NCOA7: variants seen among roughly 807,000 people sequenced by gnomAD.
The protein encoded by NCOA7 is 140 kDa estrogen receptor-associated protein.
NCOA7 carries 45 observed loss-of-function variants against 104.3 expected under a neutral mutation model. The ratio of observed to expected loss-of-function variants is 0.43; its 90% CI spans 0.34 to 0.55. The LOEUF (loss-of-function observed/expected upper bound fraction) is 0.55, where lower values mean the gene tolerates loss of function less well. Among genes scored for constraint, NCOA7 ranks in the 20% least tolerant of loss-of-function variants. The probability of loss-of-function intolerance (pLI) is 0.02; values close to 1 mark genes in which losing one functional copy is unlikely to be tolerated. For missense variants in NCOA7, 1,041 were observed against 1,119.7 expected (o/e 0.93, Z 1.00); for synonymous variants, 398 against 402.3 (o/e 0.99, Z 0.13).
chr6:125,882,293 G>A lies in NCOA7; in HGVS notation c.574-133G>A, dbSNP rs1783904846. The A allele has an allele frequency of 3.7e-6, 3 of 813,596 alleles. No homozygotes were observed. The South Asian group carries it at 5.0e-5, about 13-fold the overall frequency. The allele number at this position is 813,596 out of a possible 1,614,324, so 50.4% of individuals were successfully genotyped here. A position where few individuals can be genotyped will look rare whatever the true frequency, so the allele number is the denominator to read the frequency against. ...ATTTGTGATATTTTTGAAGGACAGA[G>A]GATATTTGCCTTTTTAATGTTCCAC... On this transcript the variant is annotated intron_variant, in intron 6 of 15. Coordinates refer to ENST00000392477, the MANE Select transcript of NCOA7 (RefSeq NM_181782.5).
chr6:125,875,760 C>T (rs1189139327), intron 4 of NCOA7, among the ~76,000 whole-genome samples: 1 of 152,140 alleles, frequency 6.6e-6, no homozygotes, highest in Non-Finnish European at 1.5e-5. Context: ...CTATCTCATG[C>T]TTTAATTCAT....
At chr6:125,914,541 C>G (rs1031892004) in intron 10 of NCOA7, among the ~76,000 whole-genome samples, 2 of 151,970 alleles carry the variant, frequency 1.3e-5, no homozygotes, top group African/African-American at 4.8e-5. Context: ...AACGTTATCC[C>G]AACAGTAGCC....
chr6:125,825,020 GA>G (rs1778545525), intron 2 of NCOA7, among the ~76,000 whole-genome samples: 1 of 152,056 alleles, frequency 6.6e-6, no homozygotes, highest in Non-Finnish European at 1.5e-5. Flanking sequence ...TGAGTGACAA[GA>G]GGGAACTCCA....
At chr6:125,828,215 T>C (rs1778829191) in intron 2 of NCOA7, among the ~76,000 whole-genome samples, 1 of 152,034 alleles carries the variant, frequency 6.6e-6, no homozygotes, top group Admixed American at 6.6e-5. Context: ...GAAAGAGAAG[T>C]AGGATGAAAC....
chr6:125,894,568 A>G (rs1392451983), intron 10 of NCOA7, among the ~76,000 whole-genome samples: 1 of 152,206 alleles, frequency 6.6e-6, no homozygotes, highest in East Asian at 1.9e-4. Flanking sequence ...ATCAATAAGG[A>G]CAACGTGAAG....
At chr6:125,907,057 A>G (rs1786076454) in intron 10 of NCOA7, among the ~76,000 whole-genome samples, 1 of 152,216 alleles carries the variant, frequency 6.6e-6, no homozygotes, top group African/African-American at 2.4e-5. Context: ...TTGATTCTAC[A>G]TGAATCTTAA....
At chr6:125,907,664 T>TA (rs1163305278) in intron 10 of NCOA7, among the ~76,000 whole-genome samples, 3 of 152,294 alleles carry the variant, frequency 2.0e-5, no homozygotes, top group Non-Finnish European at 4.4e-5. Context: ...GCATTTATTT[T>TA]AAAAAAGCGG....
Position 125,888,935 on chromosome 6 carries a change from A to G in NCOA7, c.885-4A>G, listed in dbSNP as rs1215984532. Reference sequence around the variant, plus strand: ...ATGTGCACCCACCATTTCTCCCCCAACAGTGACCTACCTCAGGATCTTTGT... The same window carrying G: ...ATGTGCACCCACCATTTCTCCCCCAGCAGTGACCTACCTCAGGATCTTTGT... On this transcript the variant is annotated splice_polypyrimidine_tract_variant and splice_region_variant and intron_variant, in intron 8 of 15. Transcript: ENST00000392477. 4.4e-6 allele frequency: 7 copies of G among 1,585,944 alleles called. No homozygotes were observed. The highest frequency in any genetic ancestry group is 2.7e-5 in the African/African-American group (2 of 73,652).
Position 125,889,723 on chromosome 6 carries a change from G to T in NCOA7, c.1669G>T (p.Asp557Tyr), listed in dbSNP as rs776039210. 1.2e-6 allele frequency: 2 copies of T among 1,613,878 alleles called. No individual in the cohort carries two copies. Among genetic ancestry groups the T allele is most frequent in the Non-Finnish European group, 1.7e-6 (2 of 1,179,912 alleles). Reference sequence around the variant, plus strand: ...AAAAAGTATTGAACCAGGGGGAATAGACATTACCCTTAGTAGTTCTCTTTC... The same window carrying T: ...AAAAAGTATTGAACCAGGGGGAATATACATTACCCTTAGTAGTTCTCTTTC... ...DGKSIEPGGI[D>Y]ITLSSSLSQA... Residue 557 changes from aspartate (D) to tyrosine (Y), a missense_variant, in exon 9 of 16, where the codon GAC becomes TAC. This residue lies in a region of NCOA7 where 914 missense variants were observed against 942.7 expected (regional missense o/e 0.97). Transcript: ENST00000392477.
In NCOA7 at chr6:125,874,896, TCAAAA is replaced by T. The variant is rs759099179; in HGVS notation, c.287_291del (p.Lys96ThrfsTer2). 6.2e-7 allele frequency: 1 copy of T among 1,612,522 alleles called. No homozygotes were observed. Among genetic ancestry groups the T allele is most frequent in the Middle Eastern group, 1.7e-4 (1 of 6,054 alleles). Reference sequence around the variant, plus strand: ...ATACAATTTATTCTTCAGATGACAATCAAAACAAAACACATGATAAAAAAGAGAAG... The same window carrying T: ...ATACAATTTATTCTTCAGATGACAATCAAAACACATGATAAAAAAGAGAAG... On this transcript the variant is annotated frameshift_variant, in exon 4 of 16. Coordinates refer to ENST00000392477, the MANE Select transcript of NCOA7 (RefSeq NM_181782.5). LOFTEE classifies it high-confidence loss of function.
At chr6:125,920,250 T>G (rs888523902) in intron 11 of NCOA7, among the ~76,000 whole-genome samples, 9 of 152,230 alleles carry the variant, frequency 5.9e-5, no homozygotes, top group African/African-American at 2.2e-4. Flanking sequence ...TCACACTTCT[T>G]TGTACTCATG....
intron 1 of NCOA7, among the ~76,000 whole-genome samples, chr6:125,784,883 A>G (rs772357690): frequency 1.3e-5 from 2 of 152,204 alleles, no homozygotes; most frequent in African/African-American, 2.4e-5. Flanking sequence ...TGTGGTGAAG[A>G]GGAAGATCAG....
chr6:125,789,785 C>T (rs1399872796), upstream of NCOA7, among the ~76,000 whole-genome samples: 1 of 152,232 alleles, frequency 6.6e-6, no homozygotes, highest in Non-Finnish European at 1.5e-5. Flanking sequence ...GTTATTACAG[C>T]TTAAGCTGCG....
At chr6:125,843,147 A>G (rs1780312180) in intron 2 of NCOA7, among the ~76,000 whole-genome samples, 1 of 152,206 alleles carries the variant, frequency 6.6e-6, no homozygotes, top group Non-Finnish European at 1.5e-5. Flanking sequence ...ATATAGGGAC[A>G]TTAACTTGGA....
intron 13 of NCOA7, 111 bp downstream of exon 13, chr6:125,922,945 G>T: frequency 9.7e-7 from 1 of 1,027,224 alleles, no homozygotes; most frequent in South Asian, 2.2e-5. Flanking sequence ...CAGTTAACAG[G>T]ATTTTGCCTT....
At chr6:125,890,903 G>C in intron 10 of NCOA7, 93 bp downstream of exon 10, 1 of 1,175,918 alleles carries the variant, frequency 8.5e-7, no homozygotes, top group East Asian at 2.8e-5. Flanking sequence ...TTTTATTCTT[G>C]AATAAGAGCT....
intron 10 of NCOA7, among the ~76,000 whole-genome samples, chr6:125,909,803 G>A (rs1052042130): frequency 2.6e-5 from 4 of 151,924 alleles, no homozygotes; most frequent in Non-Finnish European, 4.4e-5. Flanking sequence ...GAGTGAGACC[G>A]TGTCTCAGAA....
chr6:125,790,071 C>A (rs560017907), upstream of NCOA7, among the ~76,000 whole-genome samples: 1 of 152,300 alleles, frequency 6.6e-6, no homozygotes, highest in East Asian at 1.9e-4. Context: ...TGCCAAGAGT[C>A]GGCTGGAGGG....
chr6:125,818,622 G>A (rs1392237976), intron 2 of NCOA7, among the ~76,000 whole-genome samples: 1 of 152,134 alleles, frequency 6.6e-6, no homozygotes, highest in East Asian at 1.9e-4. Context: ...TGACAAACCT[G>A]TAGTTTAGCT....
Sources: allele counts gnomAD v4.1 joint callset (sites outside exome capture counted in the v4.1 genomes callset), GRCh38; gene constraint gnomAD v4.1.1; regional missense constraint gnomAD v4.1.1; transcripts MANE v1.5; gene names NCBI Gene and HGNC (gene_info 2026-07-23, HGNC 2026-07-21).